GCA: variants seen among roughly 807,000 people sequenced by gnomAD.
The protein encoded by GCA is grancalcin, EF-hand calcium-binding protein.
In GCA, 30 loss-of-function variants were observed where a neutral mutation model predicts 32.6. That is an observed-to-expected ratio of 0.92 (90% CI 0.69 to 1.25). GCA has a LOEUF of 1.25. Ranked by LOEUF, GCA falls within the 50% of genes most tolerant of loss-of-function variation. The pLI is 0.00. For synonymous variants in GCA, 102 were observed against 84.6 expected (o/e 1.21, Z -1.13); for missense variants, 291 against 266.8 (o/e 1.09, Z -0.63).
intron 1 of GCA, among the ~76,000 whole-genome samples, chr2:162,334,874 T>A (rs1684214978): frequency 6.6e-6 from 1 of 152,172 alleles, no homozygotes; most frequent in Non-Finnish European, 1.5e-5. Flanking sequence ...TTCCTGAGCT[T>A]TCTATATGTT....
At chr2:162,351,747 CATA>C (rs2105327604) in intron 2 of GCA, among the ~76,000 whole-genome samples, 1 of 152,234 alleles carries the variant, frequency 6.6e-6, no homozygotes, top group African/African-American at 2.4e-5. Flanking sequence ...GGTACTAAAT[CATA>C]ATGAGAATAC....
At chr2:162,319,749 C>T (rs1683598413) in intron 1 of GCA, among the ~76,000 whole-genome samples, 1 of 152,166 alleles carries the variant, frequency 6.6e-6, no homozygotes, top group Admixed American at 6.5e-5. Flanking sequence ...TAACTAGAAT[C>T]TCATGGTCCA....
At chr2:162,339,613 G>T (rs909205851), upstream of GCA, among the ~76,000 whole-genome samples, 2 of 152,172 alleles carry the variant, frequency 1.3e-5, no homozygotes, top group African/African-American at 2.4e-5. Flanking sequence ...GTTAGGTGAG[G>T]TCATGAGAGT....
chr2:162,344,168 T>G lies in GCA; in HGVS notation c.-81T>G. 1 of 1,488,788 alleles carries G rather than the reference T, an allele frequency of 6.7e-7. No homozygotes were observed. Among genetic ancestry groups the G allele is most frequent in the East Asian group, 2.3e-5 (1 of 44,202 alleles). The allele number at this position is 1,488,788 out of a possible 1,614,324, so 92.2% of individuals were successfully genotyped here. ...CAGCCTCACCTGCAGCTGCGCCTCC[T>G]TGCACCTGCGCCTGTGCTTTTTCTC... is the stretch of plus-strand genomic sequence containing the variant. On this transcript the variant is annotated 5_prime_UTR_variant, in exon 1 of 8. Transcript: ENST00000437150.
downstream of GCA, among the ~76,000 whole-genome samples, chr2:162,365,711 A>G (rs1472021210): frequency 6.6e-6 from 1 of 151,648 alleles, no homozygotes; most frequent in Non-Finnish European, 1.5e-5. Flanking sequence ...AAATTATAAA[A>G]TGCAAATTTC....
downstream of GCA, chr2:162,373,702 A>T: frequency 1.5e-6 from 2 of 1,343,070 alleles, no homozygotes; most frequent in South Asian, 2.1e-5. Context: ...AGTCTAAAAT[A>T]GTCCAGAATT....
In GCA at chr2:162,345,134, GGTTGTGGTT is replaced by G. The variant is rs1684632015; in HGVS notation, c.27+862_27+870del. Among the ~76,000 whole-genome samples, 53 of 149,458 alleles carry G rather than the reference GGTTGTGGTT, an allele frequency of 3.5e-4. No individual in the cohort carries two copies. The South Asian group carries it at 0.011, about 31-fold the overall frequency. ...TGGTGGTGGTGGTGGTGGTGGTGGT[GGTTGTGGTT>G]GTGGTTGTTGTTGTTGTTTTAGGAT... On this transcript the variant is annotated intron_variant, in intron 1 of 7. Coordinates refer to ENST00000437150, the MANE Select transcript of GCA (RefSeq NM_012198.5).
At chr2:162,374,820 C>A (rs922438352), downstream of GCA, among the ~76,000 whole-genome samples, 4 of 151,914 alleles carry the variant, frequency 2.6e-5, no homozygotes, top group African/African-American at 9.7e-5. Flanking sequence ...AGCCATATAG[C>A]TTTGTGTCTT....
chr2:162,325,943 A>G (rs1385924789), intron 1 of GCA, among the ~76,000 whole-genome samples: 2 of 152,106 alleles, frequency 1.3e-5, no homozygotes, highest in Non-Finnish European at 2.9e-5. Context: ...CTTGGCATCT[A>G]TTGGAGAGGC....
In GCA at chr2:162,356,844, T is replaced by C. The variant is rs752321991; in HGVS notation, c.393T>C (p.Val131=). ...LNAWKENFMT[V]DQDGSGTVEH... ...CCTGGAAGGAAAACTTCATGACTGTTGATCAAGATGGAAGTGGCACAGTAG... is the reference window on the plus strand; with the variant it reads ...CCTGGAAGGAAAACTTCATGACTGTCGATCAAGATGGAAGTGGCACAGTAG... The change falls in exon 5 of 8, where the codon GTT becomes GTC. Residue 131 remains valine, a synonymous_variant. Coordinates refer to ENST00000437150, the MANE Select transcript of GCA (RefSeq NM_012198.5). 19 of 1,610,478 alleles carry C rather than the reference T, an allele frequency of 1.2e-5. No homozygotes were observed. In the Admixed American group the frequency reaches 3.2e-4, roughly 27 times the overall value.
Position 162,347,577 on chromosome 2 carries a change from G to C in GCA, c.28-1G>C, listed in dbSNP as rs1009177092. ...AACCTTCTCCCCTTTCACTATTATAGTTTGGAAATTTTAGCATTCAGGTGC... is the reference window on the plus strand; with the variant it reads ...AACCTTCTCCCCTTTCACTATTATACTTTGGAAATTTTAGCATTCAGGTGC... On this transcript the variant is annotated splice_acceptor_variant, in intron 1 of 7. Transcript: ENST00000437150. LOFTEE classifies it high-confidence loss of function. 6.3e-7 allele frequency: 1 copy of C among 1,596,628 alleles called. No individual in the cohort carries two copies.
Position 162,347,696 on chromosome 2 carries a change from C to A in GCA, c.146C>A (p.Ser49Ter). ...CCAGCATATTCAGACACTTATTCCT[C>A]AGCTGGTGACTCCGTGTATACTTAC... is the stretch of plus-strand genomic sequence containing the variant. ...SGPAYSDTYS[S>*]AGDSVYTYFS... The change falls in exon 2 of 8, where the codon TCA becomes TAA. Residue 49 changes from serine to a stop codon, truncating the protein, a stop_gained. Transcript: ENST00000437150. LOFTEE classifies it high-confidence loss of function. 6.2e-7 allele frequency: 1 copy of A among 1,606,492 alleles called. No individual in the cohort carries two copies. Among genetic ancestry groups the A allele is most frequent in the Non-Finnish European group, 8.5e-7 (1 of 1,175,144 alleles).
intron 1 of GCA, among the ~76,000 whole-genome samples, chr2:162,322,463 TG>T (rs1683708187): frequency 6.6e-6 from 1 of 151,350 alleles, no homozygotes; most frequent in African/African-American, 2.5e-5. Context: ...ATGTGCAGGT[TG>T]GTTACATATG....
chr2:162,350,396 G>T (rs947855842), intron 2 of GCA, among the ~76,000 whole-genome samples: 7 of 152,162 alleles, frequency 4.6e-5, no homozygotes, highest in African/African-American at 1.4e-4. Context: ...GCCCTGTTCT[G>T]CCTAGCCTCA....
intron 2 of GCA, among the ~76,000 whole-genome samples, chr2:162,351,283 A>G (rs1413093971): frequency 2.0e-5 from 3 of 152,226 alleles, no homozygotes; most frequent in African/African-American, 4.8e-5. Context: ...TGTATTATAG[A>G]TAAGTAAGTG....
intron 1 of GCA, among the ~76,000 whole-genome samples, chr2:162,322,857 A>T (rs1194856366): frequency 6.6e-6 from 1 of 151,716 alleles, no homozygotes; most frequent in Admixed American, 6.6e-5. Flanking sequence ...GAATAATGCC[A>T]CAATAAACAT....
At chr2:162,342,555 TA>T (rs369216760), upstream of GCA, among the ~76,000 whole-genome samples, 730 of 152,322 alleles carry the variant, frequency 4.8e-3, 9 homozygotes, top group African/African-American at 0.017. Flanking sequence ...AGGAAAGTCC[TA>T]AGAAGGCTGC....
intron 1 of GCA, among the ~76,000 whole-genome samples, chr2:162,345,575 C>G (rs979819766): frequency 6.6e-6 from 1 of 152,126 alleles, no homozygotes; most frequent in African/African-American, 2.4e-5. Context: ...ATGGAGAGTT[C>G]CACGACACAA....
chr2:162,334,506 A>T (rs966314421), intron 1 of GCA, among the ~76,000 whole-genome samples: 1 of 152,162 alleles, frequency 6.6e-6, no homozygotes, highest in African/African-American at 2.4e-5. Flanking sequence ...ATAAATATCT[A>T]TAGGTAAGGG....
Sources: allele counts gnomAD v4.1 joint callset (sites outside exome capture counted in the v4.1 genomes callset), GRCh38; gene constraint gnomAD v4.1.1; transcripts MANE v1.5; gene names NCBI Gene and HGNC (gene_info 2026-07-23, HGNC 2026-07-21).